Variants in RYK observed in about 807,000 individuals in gnomAD.
RYK encodes the protein inactive tyrosine-protein kinase RYK.
A neutral mutation model predicts 70.2 loss-of-function variants in RYK; 21 were observed. The observed-to-expected ratio is 0.30, with a 90% CI of 0.21 to 0.43. The LOEUF (loss-of-function observed/expected upper bound fraction) is 0.43, where lower values mean the gene tolerates loss of function less well. Ranked by LOEUF, RYK falls within the 20% of genes least tolerant of loss-of-function variation. The pLI, the probability that RYK is intolerant of heterozygous loss-of-function variation, is 1.00. For missense variants in RYK, 604 were observed against 753.3 expected (o/e 0.80, Z 2.32); for synonymous variants, 267 against 278.0 (o/e 0.96, Z 0.39).
rs1475757264 is a variant in RYK, at chr3:134,195,145, G to C, written c.826C>G (p.Pro276Ala). ...AGATACTGAGTCGTCTGGGTGGATG[G>C]CTGAGACAGCCCTTGGGAACTACTG... ...ASSSSQGLSQ[P>A]STQTTQYLRA... The change falls in exon 7 of 15, where the codon CCA (proline) becomes GCA (alanine). Residue 276 changes from proline to alanine, a missense_variant. Physicochemically the swap from Pro to Ala is conservative, Grantham distance 27. Around this residue, in one of 2 missense-constraint regions of RYK, gnomAD observed 466 missense variants for 535.9 expected, o/e 0.87. Transcript: ENST00000623711. 1 of 1,613,132 alleles carries C rather than the reference G, an allele frequency of 6.2e-7. No individual in the cohort carries two copies. The highest frequency in any genetic ancestry group is 2.2e-5 in the East Asian group (1 of 44,836).
At chr3:134,195,490 C>CTACG (rs1304156694) in intron 6 of RYK, among the ~76,000 whole-genome samples, 1 of 152,172 alleles carries the variant, frequency 6.6e-6, no homozygotes, top group Non-Finnish European at 1.5e-5. Flanking sequence ...TGTTAGGGAA[C>CTACG]TACGGATCAT....
chr3:134,203,481 C>A (rs886158439), intron 5 of RYK, among the ~76,000 whole-genome samples: 25 of 152,000 alleles, frequency 1.6e-4, no homozygotes, highest in African/African-American at 6.0e-4. Flanking sequence ...GGTATAATTT[C>A]TTCAATAAAT....
chr3:134,200,106 A>G (rs569251938), intron 6 of RYK, among the ~76,000 whole-genome samples: 10 of 152,040 alleles, frequency 6.6e-5, no homozygotes, highest in Middle Eastern at 3.4e-3. Flanking sequence ...CAAATAAGGG[A>G]AAAAAAGCAG....
intron 1 of RYK, among the ~76,000 whole-genome samples, chr3:134,243,616 C>T (rs2015379933): frequency 6.6e-6 from 1 of 152,238 alleles, no homozygotes; most frequent in Admixed American, 6.5e-5. Context: ...TTTTTCCTAC[C>T]CCACAATTTC....
chr3:134,178,696 G>C (rs2013193882), intron 10 of RYK: 1 of 152,190 alleles, frequency 6.6e-6, no homozygotes, highest in Non-Finnish European at 1.5e-5. Flanking sequence ...AGGTTGCTGT[G>C]ATGTGCAAAA....
intron 9 of RYK, among the ~76,000 whole-genome samples, 190 bp downstream of exon 9, chr3:134,188,647 T>C (rs1359274958): frequency 6.6e-6 from 1 of 152,348 alleles, no homozygotes; most frequent in East Asian, 1.9e-4. Flanking sequence ...TGTTTTTCTA[T>C]ACTTAATGAG....
chr3:134,161,940 A>G (rs2012486168), intron 13 of RYK, among the ~76,000 whole-genome samples: 1 of 152,190 alleles, frequency 6.6e-6, no homozygotes, highest in Admixed American at 6.5e-5. Context: ...GTCCAAATCA[A>G]TGTGTCAGCG....
intron 4 of RYK, 103 bp downstream of exon 4, chr3:134,209,592 T>C: frequency 2.4e-6 from 2 of 832,384 alleles, no homozygotes. Flanking sequence ...CTTGCAACTA[T>C]AATCATGAGT....
intron 1 of RYK, among the ~76,000 whole-genome samples, chr3:134,249,174 G>C (rs1314762124): frequency 6.6e-6 from 1 of 152,162 alleles, no homozygotes; most frequent in South Asian, 2.1e-4. Context: ...CCCAAGTAGA[G>C]TTTTAATTCA....
chr3:134,234,230 A>G (rs1398066281), intron 1 of RYK, among the ~76,000 whole-genome samples: 2 of 152,186 alleles, frequency 1.3e-5, no homozygotes, highest in Non-Finnish European at 2.9e-5. Flanking sequence ...ATGAAGGTTG[A>G]TAAGAGATAC....
intron 1 of RYK, among the ~76,000 whole-genome samples, chr3:134,228,183 T>C: frequency 6.6e-6 from 1 of 152,058 alleles, no homozygotes; most frequent in East Asian, 1.9e-4. Context: ...CCTCACTACT[T>C]GGGTGGCTGA....
chr3:134,234,652 A>G (rs1303462450), intron 1 of RYK, among the ~76,000 whole-genome samples: 1 of 152,134 alleles, frequency 6.6e-6, no homozygotes, highest in Non-Finnish European at 1.5e-5. Flanking sequence ...CAAAAATAGT[A>G]CTCAGAAGGC....
chr3:134,209,533 A>G (rs1224031845), intron 4 of RYK, among the ~76,000 whole-genome samples, 162 bp downstream of exon 4: 2 of 152,206 alleles, frequency 1.3e-5, no homozygotes, highest in Non-Finnish European at 2.9e-5. Flanking sequence ...CTTGGCTACC[A>G]ACCATCTGGG....
rs116091742 is a variant in RYK, at chr3:134,196,265, G to A, written c.789-1083C>T. 7.0e-3 allele frequency among the ~76,000 whole-genome samples: 1,059 copies of A among 152,246 alleles called. 18 individuals carry two copies. The highest frequency in any genetic ancestry group is 0.024 in the African/African-American group (978 of 41,538). On this transcript the variant is annotated intron_variant, in intron 6 of 14. Transcript: ENST00000623711. ...CTTATAATTTTGCAGCAGTGGAGAC[G>A]TGAAACATAGAAATTCAGCATGAAG...
chr3:134,220,364 T>A (rs1006959010), intron 2 of RYK, among the ~76,000 whole-genome samples: 1 of 152,198 alleles, frequency 6.6e-6, no homozygotes, highest in Non-Finnish European at 1.5e-5. Flanking sequence ...TTGATCATTG[T>A]ATTTTGGTTG....
chr3:134,173,440 G>A lies in RYK; in HGVS notation c.1575+2169C>T, dbSNP rs144476844. 2.7e-3 allele frequency among the ~76,000 whole-genome samples: 418 copies of A among 152,280 alleles called. 2 individuals are homozygous for A. Among genetic ancestry groups the A allele is most frequent in the Non-Finnish European group, 4.7e-3 (323 of 68,010 alleles). ...TACCCAAGACTGAGTAATTTATAAAGGAGAGAGGTTGAATTGACTTATTTC... is the reference window on the plus strand; with the variant it reads ...TACCCAAGACTGAGTAATTTATAAAAGAGAGAGGTTGAATTGACTTATTTC... On this transcript the variant is annotated intron_variant, in intron 13 of 14. Coordinates refer to ENST00000623711, the MANE Select transcript of RYK (RefSeq NM_002958.4).
At chr3:134,213,145 C>T (rs2014452596) in intron 2 of RYK, among the ~76,000 whole-genome samples, 1 of 152,152 alleles carries the variant, frequency 6.6e-6, no homozygotes, top group Non-Finnish European at 1.5e-5. Flanking sequence ...GCAAGCTCTC[C>T]AGCAATACAT....
chr3:134,192,961 A>G (rs2013692708), intron 7 of RYK, among the ~76,000 whole-genome samples: 1 of 152,202 alleles, frequency 6.6e-6, no homozygotes. Context: ...TTGTTATCTT[A>G]GAAAATTCTT....
chr3:134,249,383 T>C (rs1056063158), intron 1 of RYK, among the ~76,000 whole-genome samples: 1 of 151,928 alleles, frequency 6.6e-6, no homozygotes, highest in East Asian at 1.9e-4. Flanking sequence ...TAAAAAAAAA[T>C]AGAATACTGA....
Sources: gnomAD v4.1 joint callset for allele counts (sites outside exome capture counted in the v4.1 genomes callset) on GRCh38, gnomAD v4.1.1 for gene constraint, gnomAD v4.1.1 regional missense constraint, MANE v1.5 for transcripts, NCBI Gene and HGNC (gene_info 2026-07-23, HGNC 2026-07-21) for gene names.